MYO18A: variants seen among roughly 807,000 people sequenced by gnomAD.
The protein encoded by MYO18A is unconventional myosin-XVIIIa.
MYO18A carries 78 observed loss-of-function variants against 235.8 expected under a neutral mutation model. That is an observed-to-expected ratio of 0.33 (90% CI 0.28 to 0.40). The LOEUF is 0.40. Among genes scored for constraint, MYO18A ranks in the 10% least tolerant of loss-of-function variants. The pLI is 1.00. For synonymous variants in MYO18A, 977 were observed against 1,077.8 expected (o/e 0.91, Z 1.83); for missense variants, 2,215 against 2,699.3 (o/e 0.82, Z 3.98).
intron 40 of MYO18A, among the ~76,000 whole-genome samples, chr17:29,082,724 G>C (rs1320994129): frequency 6.6e-6 from 1 of 152,034 alleles, no homozygotes; most frequent in Admixed American, 6.6e-5. Flanking sequence ...CCAATCAAGG[G>C]AGAATGACTT....
At chr17:29,085,170 G>A (rs575604278) in intron 40 of MYO18A, among the ~76,000 whole-genome samples, 2 of 152,160 alleles carry the variant, frequency 1.3e-5, no homozygotes, top group African/African-American at 4.8e-5. Flanking sequence ...GATGAAACAC[G>A]CCCGCTTCTT....
At chr17:29,176,290 T>C (rs905909777) in intron 1 of MYO18A, among the ~76,000 whole-genome samples, 104 of 152,120 alleles carry the variant, frequency 6.8e-4, no homozygotes, top group Non-Finnish European at 2.9e-4. Context: ...TGAAAAAGTT[T>C]CAGTGGCTTG....
chr17:29,083,911 G>A (rs190209850), intron 40 of MYO18A, among the ~76,000 whole-genome samples: 3 of 152,252 alleles, frequency 2.0e-5, no homozygotes, highest in Admixed American at 6.5e-5. Context: ...TGTATGCATC[G>A]CAAAATCTAT....
chr17:29,072,640 C>T lies in MYO18A; in HGVS notation c.*2130G>A, dbSNP rs2065898116. 1 of 152,220 alleles carries T rather than the reference C, an allele frequency of 6.6e-6. No individual in the cohort carries two copies. Among genetic ancestry groups the T allele is most frequent in the Admixed American group, 6.5e-5 (1 of 15,276 alleles). The allele number at this position is 152,220 out of a possible 1,614,324, so 9.4% of individuals were successfully genotyped here. On this transcript the variant is annotated 3_prime_UTR_variant, in exon 42 of 42. Transcript: ENST00000527372. ...AGACAGATCCACTTCACACTCTGTC[C>T]CATTCATTTTGGGGGAGACTTTTCT...
At chr17:29,102,315 C>T (rs1824008189) in intron 21 of MYO18A, among the ~76,000 whole-genome samples, 1 of 152,208 alleles carries the variant, frequency 6.6e-6, no homozygotes, top group Non-Finnish European at 1.5e-5. Context: ...TGGCAGCCAG[C>T]AGCAGCTCAG....
rs758503131 is a variant in MYO18A, at chr17:29,094,725, C to A, written c.4635G>T (p.Arg1545=). Residue 1545 remains arginine, a synonymous_variant, in exon 30 of 42, where the codon CGG becomes CGT. Coordinates refer to ENST00000527372, the MANE Select transcript of MYO18A (RefSeq NM_078471.4). ...GATCCTTGACTTTGGCCTCCAGGTCCCGGAGCTGTTTCTTGACCTTGGCCA... is the reference window on the plus strand; with the variant it reads ...GATCCTTGACTTTGGCCTCCAGGTCACGGAGCTGTTTCTTGACCTTGGCCA... ...ASLAKVKKQL[R]DLEAKVKDQE... is the part of the protein sequence containing the mutation. 59 of 1,614,052 alleles carry A rather than the reference C, an allele frequency of 3.7e-5. No individual in the cohort carries two copies. The highest frequency in any genetic ancestry group is 4.8e-5 in the Non-Finnish European group (57 of 1,179,898).
intron 10 of MYO18A, 111 bp from the exon 11 acceptor site, chr17:29,116,566 G>A (rs982541119): frequency 2.8e-5 from 34 of 1,226,946 alleles, no homozygotes; most frequent in Non-Finnish European, 3.7e-5. Flanking sequence ...GGTGTTGTGA[G>A]GATGAGTAGG....
chr17:29,162,048 C>G (rs1259862545), intron 2 of MYO18A, among the ~76,000 whole-genome samples: 1 of 152,162 alleles, frequency 6.6e-6, no homozygotes, highest in African/African-American at 2.4e-5. Context: ...CAGGCCCCTA[C>G]CAGTGGGTCA....
At chr17:29,150,946 A>C (rs1183019138) in intron 2 of MYO18A, among the ~76,000 whole-genome samples, 1 of 152,230 alleles carries the variant, frequency 6.6e-6, no homozygotes, top group Non-Finnish European at 1.5e-5. Context: ...CTTTCAGCTC[A>C]TCTGGGGAGG....
At chr17:29,130,388 G>A (rs1028145986) in intron 2 of MYO18A, among the ~76,000 whole-genome samples, 29 of 151,224 alleles carry the variant, frequency 1.9e-4, no homozygotes, top group African/African-American at 6.8e-4. Flanking sequence ...CTCACTATGG[G>A]CCATGGCACT....
In MYO18A at chr17:29,109,891, G is replaced by A. The variant is rs371447417; in HGVS notation, c.3298C>T (p.Arg1100Cys). ...PLLRTQLRGS[R>C]LLDAMRMYRQ... ...TACATGCGCATGGCATCGAGCAGGC[G>A]GGAGCCGCGGAGCTGGGTGCGGAGC... Residue 1100 changes from arginine (R) to cysteine (C), a missense_variant, in exon 19 of 42, where the codon CGC (arginine) becomes TGC (cysteine). Physicochemically the swap from Arg to Cys is radical, Grantham distance 180. Coordinates refer to ENST00000527372, the MANE Select transcript of MYO18A (RefSeq NM_078471.4). This position sits in a 1 kb window ranked among gnomAD's most constrained non-coding sequence, Gnocchi z 4.1. The A allele has an allele frequency of 1.1e-5, 17 of 1,570,776 alleles. No individual in the cohort carries two copies. The highest frequency in any genetic ancestry group is 1.9e-5 in the Admixed American group (1 of 53,304).
chr17:29,123,415 A>T (rs1156794647), intron 2 of MYO18A, among the ~76,000 whole-genome samples: 1 of 152,226 alleles, frequency 6.6e-6, no homozygotes, highest in Non-Finnish European at 1.5e-5. Flanking sequence ...CCAGGCATGG[A>T]CACTGGCTGG....
intron 2 of MYO18A, among the ~76,000 whole-genome samples, chr17:29,159,075 G>C (rs898212412): frequency 2.6e-5 from 4 of 152,160 alleles, no homozygotes; most frequent in Non-Finnish European, 5.9e-5. Flanking sequence ...ACTCAGGTCA[G>C]TGCAGCCTGG....
intron 2 of MYO18A, among the ~76,000 whole-genome samples, chr17:29,144,702 C>A (rs1242949023): frequency 6.6e-6 from 1 of 152,284 alleles, no homozygotes; most frequent in Middle Eastern, 3.4e-3. Flanking sequence ...TTATTAATAT[C>A]ATTATTATCA....
At chr17:29,133,983 G>A in intron 2 of MYO18A, 12 of 564,516 alleles carry the variant, frequency 2.1e-5, no homozygotes, top group South Asian at 5.6e-5. Context: ...GGAGGAGGAA[G>A]GATTACAAAA....
Position 29,106,207 on chromosome 17 carries a change from G to A in MYO18A, c.3441+873C>T, listed in dbSNP as rs984533059. On this transcript the variant is annotated intron_variant, in intron 20 of 41. Transcript: ENST00000527372. This position sits in a 1 kb window ranked among gnomAD's most constrained non-coding sequence, Gnocchi z 4.6. ...TGAGGTACTGGTGTAGCCACAGGTG[G>A]GAGGCTGGAATGGAGGCTGAGGGCC... is the stretch of plus-strand genomic sequence containing the variant. 9.9e-5 allele frequency among the ~76,000 whole-genome samples: 15 copies of A among 152,282 alleles called. No homozygotes were observed. The highest frequency in any genetic ancestry group is 3.6e-4 in the African/African-American group (15 of 41,544).
At chr17:29,119,025 C>T (rs1025040691) in intron 8 of MYO18A, among the ~76,000 whole-genome samples, 1 of 152,278 alleles carries the variant, frequency 6.6e-6, no homozygotes, top group South Asian at 2.1e-4. Flanking sequence ...CTTTGCTTTC[C>T]AGAACTGGCT....
intron 37 of MYO18A, among the ~76,000 whole-genome samples, chr17:29,088,299 C>T (rs1017563367): frequency 6.6e-6 from 1 of 151,688 alleles, no homozygotes; most frequent in African/African-American, 2.4e-5. Flanking sequence ...CGTGATCCGC[C>T]CACCTTGGCC....
intron 39 of MYO18A, among the ~76,000 whole-genome samples, chr17:29,086,203 G>T (rs1407879714): frequency 6.6e-6 from 1 of 152,226 alleles, no homozygotes; most frequent in African/African-American, 2.4e-5. Context: ...CAGAGCTGGA[G>T]GGCCTGGTCG....
Sources: gnomAD v4.1 joint callset for allele counts (sites outside exome capture counted in the v4.1 genomes callset) on GRCh38, gnomAD v4.1.1 for gene constraint, Gnocchi (gnomAD v3.1) non-coding constraint, MANE v1.5 for transcripts, NCBI Gene and HGNC (gene_info 2026-07-23, HGNC 2026-07-21) for gene names.